CCDC18: variants seen among roughly 807,000 people sequenced by gnomAD.
CCDC18 encodes the protein coiled-coil domain containing 18.
Under a neutral mutation model 196.0 loss-of-function variants are expected in CCDC18, and 157 were observed. That is an observed-to-expected ratio of 0.80 (90% confidence interval 0.70 to 0.91). The LOEUF is 0.91. Among genes scored for constraint, CCDC18 ranks in the 40% least tolerant of loss-of-function variants. The probability of loss-of-function intolerance (pLI) is 0.00; values close to 1 mark genes in which losing one functional copy is unlikely to be tolerated. For missense variants in CCDC18, 1,465 were observed against 1,611.6 expected (o/e 0.91, Z 1.56); for synonymous variants, 482 against 529.2 (o/e 0.91, Z 1.22).
intron 17 of CCDC18, among the ~76,000 whole-genome samples, chr1:93,230,491 C>CAA (rs1391322949): frequency 1.6e-5 from 2 of 123,174 alleles, no homozygotes; most frequent in African/African-American, 3.0e-5. Context: ...GACTCCATCT[C>CAA]AAAAAAAAAA....
intron 6 of CCDC18, among the ~76,000 whole-genome samples, chr1:93,200,807 A>G (rs1422489470): frequency 1.3e-5 from 2 of 152,230 alleles, no homozygotes; most frequent in Non-Finnish European, 1.5e-5. Context: ...AGTGAGGAAG[A>G]GTAGATAAGT....
At chr1:93,234,657 G>T (rs578173001) in intron 18 of CCDC18, among the ~76,000 whole-genome samples, 1 of 133,592 alleles carries the variant, frequency 7.5e-6, no homozygotes, top group East Asian at 1.9e-4. Context: ...TGCATCTTCA[G>T]ATTTCTCTAT....
intron 26 of CCDC18, 79 bp from the exon 27 acceptor site, chr1:93,264,622 G>C (rs1337320522): frequency 1.3e-6 from 1 of 762,816 alleles, no homozygotes; most frequent in Non-Finnish European, 2.1e-6. Context: ...AATAAAAGTA[G>C]AAAGCATTAG....
At chr1:93,265,841 A>C (rs1664429432) in intron 27 of CCDC18, among the ~76,000 whole-genome samples, 2 of 152,204 alleles carry the variant, frequency 1.3e-5, no homozygotes, top group Non-Finnish European at 1.5e-5. Context: ...ACACAATAAT[A>C]ATGGGAGACT....
At chr1:93,219,070 A>T (rs1446044114) in intron 14 of CCDC18, among the ~76,000 whole-genome samples, 1 of 152,100 alleles carries the variant, frequency 6.6e-6, no homozygotes, top group Non-Finnish European at 1.5e-5. Context: ...GTTTCAGGGG[A>T]TCTTTGCTGA....
At chr1:93,226,306 T>TTTTTTTTG in intron 16 of CCDC18, 27 bp from the exon 17 acceptor site, 2 of 929,890 alleles carry the variant, frequency 2.2e-6, no homozygotes, top group Non-Finnish European at 3.3e-6. Context: ...GTGTTTTTTT[T>TTTTTTTTG]TTTTTTTTGC....
In CCDC18 at chr1:93,210,840, TA is replaced by T; in HGVS notation, c.1251del (p.Lys417AsnfsTer4). On this transcript the variant is annotated frameshift_variant, in exon 10 of 29. Coordinates refer to ENST00000690025, the MANE Select transcript of CCDC18 (RefSeq NM_001378204.1). LOFTEE classifies it high-confidence loss of function. Reference sequence around the variant, plus strand: ...TATTTGGCTTTAAATCATATCTTTCTAAATACCAGATGAGTAGCTTCTCAAA... The same window carrying T: ...TATTTGGCTTTAAATCATATCTTTCTAATACCAGATGAGTAGCTTCTCAAA... ...ELFGFKSYLS[K>X]YQMSSFSNKE... 1 of 1,607,628 alleles carries T rather than the reference TA, an allele frequency of 6.2e-7. No homozygotes were observed. Among genetic ancestry groups the T allele is most frequent in the African/African-American group, 1.3e-5 (1 of 74,972 alleles).
chr1:93,241,079 C>T (rs566743), intron 21 of CCDC18, among the ~76,000 whole-genome samples: 43,494 of 151,864 alleles, frequency 0.29, 9,445 homozygotes, highest in African/African-American at 0.61. Context: ...CCTCAGCCAC[C>T]AAGTAACTGG....
intron 28 of CCDC18, among the ~76,000 whole-genome samples, chr1:93,276,622 A>G (rs913412153): frequency 1.3e-5 from 2 of 152,222 alleles, no homozygotes; most frequent in East Asian, 3.8e-4. Context: ...AACCAGGAGT[A>G]CAGGTAATAC....
rs1282400969 is a variant in CCDC18, at chr1:93,278,521, A to AC, written c.*45dup. The AC allele has an allele frequency of 4.2e-6, 5 of 1,203,918 alleles. No homozygotes were observed. The South Asian group carries it at 1.0e-4, about 24-fold the overall frequency. The allele number at this position is 1,203,918 out of a possible 1,614,324, so 74.6% of individuals were successfully genotyped here. A position where few individuals can be genotyped will look rare whatever the true frequency, so the allele number is the denominator to read the frequency against. ...GTGTTGAAAAAATGGAATTTTTGGT[A>AC]CTGTGCTGTTTACTTATTATATGTA... On this transcript the variant is annotated 3_prime_UTR_variant, in exon 29 of 29. Transcript: ENST00000690025.
chr1:93,186,531 C>G (rs369003381), intron 4 of CCDC18, 28 bp downstream of exon 4: 1 of 1,544,738 alleles, frequency 6.5e-7, no homozygotes, highest in African/African-American at 1.4e-5. Flanking sequence ...AGTTTGCCAA[C>G]AGAAAATAGT....
chr1:93,191,965 C>G lies in CCDC18; in HGVS notation c.463-35C>G, dbSNP rs1051120315. On this transcript the variant is annotated intron_variant, in intron 4 of 28. Coordinates refer to ENST00000690025, the MANE Select transcript of CCDC18 (RefSeq NM_001378204.1). ...AGGACCAAGTAGGTTAATTTATTTT[C>G]TGAAAGTACTATAAAAGTTGTTTTT... The G allele has an allele frequency of 2.8e-6, 4 of 1,442,184 alleles. No individual in the cohort carries two copies. In the African/African-American group the frequency reaches 5.7e-5, roughly 21 times the overall value. 89.3% of individuals were successfully genotyped at this position (1,442,184 alleles called of 1,614,324 possible).
intron 4 of CCDC18, 109 bp downstream of exon 4, chr1:93,186,612 G>A (rs1428242913): frequency 1.3e-6 from 1 of 765,996 alleles, no homozygotes; most frequent in Admixed American, 3.2e-5. Context: ...GTTATGGGAA[G>A]TAATTTTCAT....
At chr1:93,185,152 C>T (rs911053363) in intron 3 of CCDC18, among the ~76,000 whole-genome samples, 1 of 151,834 alleles carries the variant, frequency 6.6e-6, no homozygotes, top group Admixed American at 6.6e-5. Flanking sequence ...AAGATAAATT[C>T]AAAGTGAAAC....
At chr1:93,187,109 G>T (rs1031659548) in intron 4 of CCDC18, among the ~76,000 whole-genome samples, 1 of 151,508 alleles carries the variant, frequency 6.6e-6, no homozygotes. Flanking sequence ...TAAATGATTG[G>T]TATTACACAA....
chr1:93,236,048 C>G (rs1241774854), intron 18 of CCDC18, among the ~76,000 whole-genome samples, 200 bp from the exon 19 acceptor site: 1 of 152,092 alleles, frequency 6.6e-6, no homozygotes, highest in African/African-American at 2.4e-5. Context: ...ATGATGTGGC[C>G]ACTTCCCTAA....
At chr1:93,210,719 T>G in intron 9 of CCDC18, 83 bp from the exon 10 acceptor site, 1 of 969,408 alleles carries the variant, frequency 1.0e-6, no homozygotes, top group Non-Finnish European at 1.5e-6. Context: ...ATTCATACAG[T>G]TTTTAAAATT....
chr1:93,248,009 C>CTTTTTTTTTTTTTTTT (rs71586785), intron 23 of CCDC18, among the ~76,000 whole-genome samples: 3 of 69,780 alleles, frequency 4.3e-5, no homozygotes, highest in African/African-American at 6.5e-5. Flanking sequence ...TATTTTCCTT[C>CTTTTTTTTTTTTTTTT]TTTTTTTTTT....
intron 3 of CCDC18, 42 bp from the exon 4 acceptor site, chr1:93,186,303 T>G: frequency 6.4e-7 from 1 of 1,553,270 alleles, no homozygotes; most frequent in Non-Finnish European, 8.8e-7. Context: ...AACCCTTAAT[T>G]GAAATAATTG....
Sources: gnomAD v4.1 joint callset for allele counts (sites outside exome capture counted in the v4.1 genomes callset) on GRCh38, gnomAD v4.1.1 for gene constraint, MANE v1.5 for transcripts, NCBI Gene and HGNC (gene_info 2026-07-23, HGNC 2026-07-21) for gene names.